The following FAM133B variants were observed in gnomAD, a reference collection of about 807,000 sequenced individuals.
The protein encoded by FAM133B is protein FAM133B.
In FAM133B, 25 loss-of-function variants were observed where a neutral mutation model predicts 46.4. The observed-to-expected ratio is 0.54, with a 90% CI of 0.39 to 0.75. FAM133B has a LOEUF of 0.75. Ranked by LOEUF, FAM133B falls within the 30% of genes least tolerant of loss-of-function variation. The pLI is 0.00. For synonymous variants in FAM133B, 75 were observed against 86.0 expected, an observed-to-expected ratio of 0.87 and a Z score of 0.71; for missense variants, 205 against 277.6, an observed-to-expected ratio of 0.74 and a Z score of 1.86.
chr7:92,574,911 CAA>C (rs5885810), intron 8 of FAM133B, among the ~76,000 whole-genome samples: 13 of 110,396 alleles, frequency 1.2e-4, no homozygotes, highest in Admixed American at 9.4e-5. Flanking sequence ...GACTCCGTCT[CAA>C]AAAAAAAAAA....
rs761564437 is a variant in FAM133B, at chr7:92,569,897, T to C, written c.535A>G (p.Lys179Glu). The C allele has an allele frequency of 5.0e-6, 7 of 1,408,496 alleles. No individual in the cohort carries two copies. Among genetic ancestry groups the C allele is most frequent in the Non-Finnish European group, 6.5e-6 (7 of 1,074,778 alleles). The allele number at this position is 1,408,496 out of a possible 1,614,324, so 87.2% of individuals were successfully genotyped here. A position where few individuals can be genotyped will look rare whatever the true frequency, so the allele number is the denominator to read the frequency against. ...EKEKDIKGLS[K>E]KRKMYSEDKP... is the part of the protein sequence containing the mutation. ...TCTTCAGAATACATCTTTCTCTTTT[T>C]GCTGAGTCCTTTAATATCCTATGAA... The change falls in exon 9 of 11, where the codon AAA becomes GAA. Residue 179 changes from lysine (K) to glutamate (E), a missense_variant. Coordinates refer to ENST00000445716, the MANE Select transcript of FAM133B (RefSeq NM_152789.4).
rs543096025 is a variant in FAM133B, at chr7:92,569,814, T to C, written c.609+9A>G. On this transcript the variant is annotated intron_variant, in intron 9 of 10. Transcript: ENST00000445716. Reference sequence around the variant, plus strand: ...AAAATAGAGAAAATGGATTTGATCATATACTTACCTCCTCAATATACTCTG... The same window carrying C: ...AAAATAGAGAAAATGGATTTGATCACATACTTACCTCCTCAATATACTCTG... 12 of 1,336,396 alleles carry C rather than the reference T, an allele frequency of 9.0e-6. No individual in the cohort carries two copies. In the South Asian group the frequency reaches 1.4e-4, roughly 15 times the overall value. 82.8% of individuals were successfully genotyped at this position (1,336,396 alleles called of 1,614,324 possible).
rs890326768 is a variant in FAM133B at position 92,561,177 on chromosome 7, G to A, written c.*1105C>T. ...CAGGCTTGCCACTCAACTTGTTATTGTAAGTCTCAGCTTCAATATGAAGCC... is the reference window on the plus strand; with the variant it reads ...CAGGCTTGCCACTCAACTTGTTATTATAAGTCTCAGCTTCAATATGAAGCC... On this transcript the variant is annotated 3_prime_UTR_variant, in exon 11 of 11. Transcript: ENST00000445716. 2.7e-4 allele frequency: 39 copies of A among 144,818 alleles called. No homozygotes were observed. The highest frequency in any genetic ancestry group is 7.7e-4 in the Admixed American group (11 of 14,326). The allele number at this position is 144,818 out of a possible 1,614,324, so 9.0% of individuals were successfully genotyped here.
Position 92,578,165 on chromosome 7 carries a change from CTTT to C in FAM133B, c.291_293del (p.Lys100del). The C allele has an allele frequency of 6.2e-7, 1 of 1,610,252 alleles. No homozygotes were observed. On this transcript the variant is annotated inframe_deletion, in exon 5 of 11. Transcript: ENST00000445716. ...TTTTGCTCACCCTACCAGATTTCTT[CTTT>C]TCTTTTTTCTTTCTCTAAATGGAAA... is the stretch of plus-strand genomic sequence containing the variant.
chr7:92,577,537 G>A (rs1286154438), intron 6 of FAM133B, 118 bp downstream of exon 6: 1 of 773,720 alleles, frequency 1.3e-6, no homozygotes, highest in East Asian at 2.9e-5. Flanking sequence ...CTAAGTTATG[G>A]ATAATTAATC....
At chr7:92,573,556 CAT>C (rs1309068453) in intron 8 of FAM133B, among the ~76,000 whole-genome samples, 36 of 151,422 alleles carry the variant, frequency 2.4e-4, no homozygotes, top group African/African-American at 8.5e-4. Context: ...TTGTTGATTA[CAT>C]GTGTGTATAT....
chr7:92,569,945 T>C, intron 8 of FAM133B, 30 bp from the exon 9 acceptor site: 1 of 1,030,938 alleles, frequency 9.7e-7, no homozygotes, highest in East Asian at 3.2e-5. Flanking sequence ...TTATCTTGAC[T>C]CAGACATACT....
At chr7:92,578,251 G>A (rs1794761425) in intron 4 of FAM133B, 68 bp downstream of exon 4, 1 of 1,594,272 alleles carries the variant, frequency 6.3e-7, no homozygotes, top group Admixed American at 1.7e-5. Flanking sequence ...ATTAACAGTA[G>A]TATACAGCAT....
chr7:92,577,787 A>C lies in FAM133B; in HGVS notation c.310-70T>G, dbSNP rs1454880788. On this transcript the variant is annotated intron_variant, in intron 5 of 10. Coordinates refer to ENST00000445716, the MANE Select transcript of FAM133B (RefSeq NM_152789.4). ...GTTTTTCTTTTACAAAGTCTCTCAA[A>C]TACTTAGTGAAATCAATCTAGTGTC... The C allele has an allele frequency of 2.4e-6, 3 of 1,264,378 alleles. No homozygotes were observed. The African/African-American group carries it at 4.5e-5, about 19-fold the overall frequency. 78.3% of individuals were successfully genotyped at this position (1,264,378 alleles called of 1,614,324 possible). A position where few individuals can be genotyped will look rare whatever the true frequency, so the allele number is the denominator to read the frequency against.
chr7:92,590,130 G>A (rs933181622), intron 1 of FAM133B, 138 bp downstream of exon 1: 2 of 1,301,008 alleles, frequency 1.5e-6, no homozygotes, highest in African/African-American at 1.5e-5. Flanking sequence ...TCTGGGATCG[G>A]CGGAGGGTGC....
intron 9 of FAM133B, among the ~76,000 whole-genome samples, chr7:92,568,937 T>C (rs1465074945): frequency 2.0e-5 from 3 of 152,162 alleles, no homozygotes; most frequent in East Asian, 3.8e-4. Flanking sequence ...AGTGCCACTG[T>C]TGCAGACCAA....
chr7:92,577,261 T>C, intron 6 of FAM133B, 66 bp from the exon 7 acceptor site: 1 of 1,145,262 alleles, frequency 8.7e-7, no homozygotes, highest in Non-Finnish European at 1.2e-6. Context: ...CATTTATTAA[T>C]ATAAAACTTT....
chr7:92,570,295 A>G (rs1298063112), intron 8 of FAM133B, among the ~76,000 whole-genome samples: 1 of 152,110 alleles, frequency 6.6e-6, no homozygotes, highest in Non-Finnish European at 1.5e-5. Context: ...TAAATGGGTG[A>G]TTATTTGCAG....
chr7:92,581,916 T>TG (rs1400113268), intron 1 of FAM133B: 1 of 232,532 alleles, frequency 4.3e-6, no homozygotes, highest in Non-Finnish European at 8.5e-6. Context: ...CCAGTAACCC[T>TG]GTGAGGGTGA....
At chr7:92,590,089 A>G (rs1795154063) in intron 1 of FAM133B, 179 bp downstream of exon 1, 1 of 804,582 alleles carries the variant, frequency 1.2e-6, no homozygotes, top group East Asian at 2.7e-5. Flanking sequence ...GGGAACCCTA[A>G]AGCGCCAACT....
intron 9 of FAM133B, among the ~76,000 whole-genome samples, chr7:92,566,626 A>G (rs537728421): frequency 1.3e-5 from 2 of 152,326 alleles, no homozygotes; most frequent in South Asian, 4.1e-4. Context: ...TGGGCGACAG[A>G]CTGACACCTT....
At chr7:92,577,077 A>G (rs1794723117) in intron 7 of FAM133B, 26 bp downstream of exon 7, 2 of 1,322,602 alleles carry the variant, frequency 1.5e-6, no homozygotes, top group East Asian at 2.7e-5. Flanking sequence ...TTTGTATCCA[A>G]TATATTAATA....
At chr7:92,569,110 T>C (rs1429298133) in intron 9 of FAM133B, among the ~76,000 whole-genome samples, 1 of 152,200 alleles carries the variant, frequency 6.6e-6, no homozygotes, top group Admixed American at 6.5e-5. Flanking sequence ...CCAGCTCTTG[T>C]TGCAATCTGC....
chr7:92,576,922 T>C (rs531488679), intron 7 of FAM133B, among the ~76,000 whole-genome samples, 181 bp downstream of exon 7: 1 of 152,314 alleles, frequency 6.6e-6, no homozygotes, highest in Non-Finnish European at 1.5e-5. Flanking sequence ...TATATATATA[T>C]GAAAGCACTT....
Sources: allele counts gnomAD v4.1 joint callset (sites outside exome capture counted in the v4.1 genomes callset), GRCh38; gene constraint gnomAD v4.1.1; transcripts MANE v1.5; gene names NCBI Gene and HGNC (gene_info 2026-07-23, HGNC 2026-07-21).